The following LINGO1 variants were observed in gnomAD, a reference collection of about 807,000 sequenced individuals.
The protein encoded by LINGO1 is leucine-rich repeat and immunoglobulin-like domain-containing nogo receptor-interacting protein 1.
In LINGO1, 11 loss-of-function variants were observed where a neutral mutation model predicts 37.3. That is an observed-to-expected ratio of 0.29 (90% CI 0.19 to 0.49). LINGO1 has a LOEUF of 0.49. Ranked by LOEUF, LINGO1 falls within the 20% of genes least tolerant of loss-of-function variation. The pLI is 0.99. For synonymous variants in LINGO1, 387 were observed against 403.0 expected (o/e 0.96, Z 0.48); for missense variants, 585 against 878.2 (o/e 0.67, Z 4.22).
intron 2 of LINGO1, among the ~76,000 whole-genome samples, chr15:77,684,305 T>C (rs898040920): frequency 1.3e-5 from 2 of 152,244 alleles, no homozygotes; most frequent in Non-Finnish European, 2.9e-5. Context: ...GATAGGTTTA[T>C]TATCACCTCA....
At chr15:77,679,109 A>T (rs4372660) in intron 2 of LINGO1, among the ~76,000 whole-genome samples, 2 of 151,808 alleles carry the variant, frequency 1.3e-5, no homozygotes, top group East Asian at 1.9e-4. Flanking sequence ...CCATGTTGGC[A>T]GGGCTGGTCT....
chr15:77,815,364 G>A (rs2077039292), intron 1 of LINGO1, among the ~76,000 whole-genome samples: 1 of 140,460 alleles, frequency 7.1e-6, no homozygotes, highest in African/African-American at 2.7e-5. Flanking sequence ...CTCCCAACTT[G>A]CTTAGTGACC....
Position 77,705,428 on chromosome 15 carries a change from G to A in LINGO1, c.-194-14527C>T, listed in dbSNP as rs536509420. Among the ~76,000 whole-genome samples the A allele has an allele frequency of 2.1e-4, 32 of 152,284 alleles. No individual in the cohort carries two copies. In the South Asian group the frequency reaches 4.1e-3, roughly 20 times the overall value. On this transcript the variant is annotated intron_variant, in intron 2 of 3. Transcript: ENST00000561686. ...AGACACTGAGGTCACTGGGAGGTGC[G>A]TGGTGGCCCCAGGGCTCCCGTCCTG...
upstream of LINGO1, among the ~76,000 whole-genome samples, chr15:77,636,087 C>G (rs757582224): frequency 1.3e-5 from 2 of 152,242 alleles, no homozygotes; most frequent in Non-Finnish European, 2.9e-5. Flanking sequence ...GATGAGAAGA[C>G]CGAGGCTCTG....
intron 3 of LINGO1, among the ~76,000 whole-genome samples, chr15:77,673,973 A>T (rs1284126486): frequency 6.6e-6 from 1 of 151,932 alleles, no homozygotes; most frequent in African/African-American, 2.4e-5. Context: ...ACCCGTTTTC[A>T]CTGTGCTCTG....
intron 1 of LINGO1, among the ~76,000 whole-genome samples, chr15:77,759,894 G>C (rs1271153300): frequency 3.3e-5 from 5 of 152,242 alleles, no homozygotes; most frequent in African/African-American, 1.2e-4. Flanking sequence ...CCACGGCCGT[G>C]GGGAGCCTGG....
chr15:77,702,682 C>CTGGTGCTGGTTT (rs2075800044), intron 2 of LINGO1, among the ~76,000 whole-genome samples: 1 of 152,128 alleles, frequency 6.6e-6, no homozygotes, highest in Non-Finnish European at 1.5e-5. Flanking sequence ...TTCAGCACCC[C>CTGGTGCTGGTTT]GGACAGCTGC....
Position 77,615,374 on chromosome 15 carries a change from T to A in LINGO1, c.533A>T (p.Asp178Val). 6.2e-7 allele frequency: 1 copy of A among 1,613,774 alleles called. No individual in the cohort carries two copies. Among genetic ancestry groups the A allele is most frequent in the Non-Finnish European group, 8.5e-7 (1 of 1,179,868 alleles). Residue 178 changes from aspartate to valine, a missense_variant, in exon 2 of 2, where the codon GAC (aspartate) becomes GTC (valine). By Grantham distance (152) the Asp-to-Val change is radical. Around this residue, in one of 4 missense-constraint regions of LINGO1, gnomAD observed 484 missense variants for 735.0 expected, o/e 0.66. Coordinates refer to ENST00000355300, the MANE Select transcript of LINGO1 (RefSeq NM_032808.7). ...GGCGCGGTGAGAGATGTAGACGAGG[T>A]CATTGTCGCCAACCTCCAGTGACTT... ...NLKSLEVGDN[D>V]LVYISHRAFS...
At chr15:77,775,432 AC>A (rs1162506937) in intron 1 of LINGO1, among the ~76,000 whole-genome samples, 1 of 151,998 alleles carries the variant, frequency 6.6e-6, no homozygotes, top group East Asian at 1.9e-4. Flanking sequence ...CCTGCCTGCC[AC>A]CTCCTGTTAC....
At chr15:77,649,175 T>C (rs1441612213) in intron 3 of LINGO1, 3 of 152,246 alleles carry the variant, frequency 2.0e-5, no homozygotes, top group African/African-American at 7.2e-5. Flanking sequence ...TGTCCTTGGC[T>C]GGCCAATGTA....
At chr15:77,759,777 G>A (rs2076456410) in intron 1 of LINGO1, among the ~76,000 whole-genome samples, 1 of 152,216 alleles carries the variant, frequency 6.6e-6, no homozygotes, top group Non-Finnish European at 1.5e-5. Flanking sequence ...CTAATTGAGT[G>A]TCCTATTAAA....
intron 1 of LINGO1, among the ~76,000 whole-genome samples, chr15:77,695,007 T>A (rs188032350): frequency 1.1e-3 from 175 of 152,270 alleles, no homozygotes; most frequent in African/African-American, 3.2e-3. Flanking sequence ...CTTTTTTTTT[T>A]AATTTTTGAC....
intron 3 of LINGO1, among the ~76,000 whole-genome samples, chr15:77,656,615 G>T (rs1189628530): frequency 6.6e-6 from 1 of 152,132 alleles, no homozygotes; most frequent in Non-Finnish European, 1.5e-5. Context: ...CCTGTCCAGA[G>T]CTCACCCTCT....
chr15:77,707,268 CAG>C (rs2141286091), intron 2 of LINGO1: 1 of 152,266 alleles, frequency 6.6e-6, no homozygotes, highest in African/African-American at 2.4e-5. Flanking sequence ...CCACATTAGG[CAG>C]AGAGGAGAAA....
In LINGO1 at chr15:77,704,393, G is replaced by A. The variant is rs535967710; in HGVS notation, c.-194-13492C>T. Reference sequence around the variant, plus strand: ...TGGTCACATACTGAACCCCGACCCTGATCACAGATTGAACCCCAACCCTGG... The same window carrying A: ...TGGTCACATACTGAACCCCGACCCTAATCACAGATTGAACCCCAACCCTGG... On this transcript the variant is annotated intron_variant, in intron 2 of 3. Transcript: ENST00000561686. Among the ~76,000 whole-genome samples the A allele has an allele frequency of 2.0e-3, 296 of 150,814 alleles. 2 individuals are homozygous for A. Among genetic ancestry groups the A allele is most frequent in the African/African-American group, 7.1e-3 (288 of 40,466 alleles).
intron 1 of LINGO1, among the ~76,000 whole-genome samples, chr15:77,735,382 G>A (rs908143554): frequency 6.6e-5 from 10 of 152,200 alleles, no homozygotes; most frequent in African/African-American, 2.2e-4. Context: ...TGTGTGCAGC[G>A]GAAGCCACAG....
chr15:77,700,731 GC>G (rs2075772059), upstream of LINGO1, among the ~76,000 whole-genome samples: 1 of 152,200 alleles, frequency 6.6e-6, no homozygotes, highest in Non-Finnish European at 1.5e-5. Flanking sequence ...GTGAGCAGGG[GC>G]GGGTAGGGGA....
At chr15:77,786,628 C>T (rs912074720) in intron 1 of LINGO1, among the ~76,000 whole-genome samples, 4 of 152,328 alleles carry the variant, frequency 2.6e-5, no homozygotes, top group Middle Eastern at 3.4e-3. Flanking sequence ...CAAACACTCC[C>T]GCCGCCCTCC....
chr15:77,747,391 C>T (rs2076324617), intron 1 of LINGO1, among the ~76,000 whole-genome samples: 1 of 152,132 alleles, frequency 6.6e-6, no homozygotes, highest in African/African-American at 2.4e-5. Flanking sequence ...CTCAGCATGC[C>T]CAGGGACTCT....
Sources: gnomAD v4.1 joint callset for allele counts (sites outside exome capture counted in the v4.1 genomes callset) on GRCh38, gnomAD v4.1.1 for gene constraint, gnomAD v4.1.1 regional missense constraint, MANE v1.5 for transcripts, NCBI Gene and HGNC (gene_info 2026-07-23, HGNC 2026-07-21) for gene names.